The following DOLPP1 variants were observed in gnomAD, a reference collection of about 807,000 sequenced individuals.
The protein encoded by DOLPP1 is dolichyl pyrophosphate phosphatase 1.
DOLPP1 carries 15 observed loss-of-function variants against 34.1 expected under a neutral mutation model. That is an observed-to-expected ratio of 0.44 (90% confidence interval 0.29 to 0.68). The LOEUF (loss-of-function observed/expected upper bound fraction) is 0.68, where lower values mean the gene tolerates loss of function less well. Ranked by LOEUF, DOLPP1 falls within the 30% of genes least tolerant of loss-of-function variation. The pLI is 0.12. For synonymous variants in DOLPP1, 130 were observed against 128.2 expected (o/e 1.01, Z -0.10); for missense variants, 249 against 307.1 (o/e 0.81, Z 1.41).
chr9:129,084,515 A>G (rs1317006657), intron 1 of DOLPP1, 153 bp from the exon 2 acceptor site: 8 of 713,726 alleles, frequency 1.1e-5, no homozygotes, highest in Non-Finnish European at 1.8e-5. Context: ...AGTTGGCACA[A>G]TCGGCCGGTA....
chr9:129,086,390 C>T, intron 6 of DOLPP1, 123 bp downstream of exon 6: 1 of 1,288,068 alleles, frequency 7.8e-7, no homozygotes, highest in Non-Finnish European at 1.1e-6. Flanking sequence ...CCCCAGTGCC[C>T]CAGGGTTTGT....
chr9:129,084,153 C>T (rs765992093), intron 1 of DOLPP1, among the ~76,000 whole-genome samples: 2 of 152,206 alleles, frequency 1.3e-5, no homozygotes, highest in African/African-American at 2.4e-5. Flanking sequence ...GTCGGATTTC[C>T]CTGGAGGCCC....
chr9:129,085,633 G>A lies in DOLPP1; in HGVS notation c.461+17G>A. On this transcript the variant is annotated intron_variant, in intron 5 of 7. Transcript: ENST00000372546. The surrounding 1 kb of genome is among the most constrained non-coding windows in gnomAD (Gnocchi z 7.0). Reference sequence around the variant, plus strand: ...CTACAGCAGGTATGGAGGAGGGAGAGCCCCTGCCTGCACCCTGCCCATGTG... The same window carrying A: ...CTACAGCAGGTATGGAGGAGGGAGAACCCCTGCCTGCACCCTGCCCATGTG... 1 of 1,593,608 alleles carries A rather than the reference G, an allele frequency of 6.3e-7. No homozygotes were observed. The highest frequency in any genetic ancestry group is 8.6e-7 in the Non-Finnish European group (1 of 1,166,150).
rs17508460 is a variant in DOLPP1 at position 129,086,031 on chromosome 9, C to T, written c.462-108C>T. ...TGGAGTCAGTGTCCTGTCTGTGTCTCCACATGTGTGGGCACAGGTCCCTGG... is the reference window on the plus strand; with the variant it reads ...TGGAGTCAGTGTCCTGTCTGTGTCTTCACATGTGTGGGCACAGGTCCCTGG... On this transcript the variant is annotated intron_variant, in intron 5 of 7. Transcript: ENST00000372546. 8.1e-3 allele frequency: 9,083 copies of T among 1,120,234 alleles called. 493 individuals are homozygous for T. In the African/African-American group the frequency reaches 0.12, roughly 15 times the overall value. The allele number at this position is 1,120,234 out of a possible 1,614,324, so 69.4% of individuals were successfully genotyped here.
At chr9:129,088,846 G>T in intron 7 of DOLPP1, 125 bp from the exon 8 acceptor site, 1 of 920,724 alleles carries the variant, frequency 1.1e-6, no homozygotes. Context: ...GCCCAGTTCA[G>T]GTCAATCGCT....
intron 1 of DOLPP1, among the ~76,000 whole-genome samples, chr9:129,083,155 T>C (rs1392116120): frequency 6.6e-6 from 1 of 152,070 alleles, no homozygotes. Context: ...TGAGCTGGGC[T>C]GAGGGGGAAC....
rs1309453092 is a variant in DOLPP1, at chr9:129,081,225, C to T, written c.76+18C>T. On this transcript the variant is annotated intron_variant, in intron 1 of 7. Coordinates refer to ENST00000372546, the MANE Select transcript of DOLPP1 (RefSeq NM_020438.5). The stretch of plus-strand genomic sequence containing the variant: ...TCCTGCAGGTAAAAGGCGGTCCCGG[C>T]TCCAAGGACGCCTTCCCAGGGACGG... The T allele has an allele frequency of 6.2e-7, 1 of 1,606,518 alleles. No individual in the cohort carries two copies. The highest frequency in any genetic ancestry group is 1.1e-5 in the South Asian group (1 of 90,904).
At position 129,085,588 on chromosome 9, in the gene DOLPP1, G is replaced by T. The variant is rs370550987; in HGVS notation, c.433G>T (p.Ala145Ser). 1 of 1,613,296 alleles carries T rather than the reference G, an allele frequency of 6.2e-7. No individual in the cohort carries two copies. ...WRHVLSLGLL[A>S]VAFLVSYSRV... ...GCACGTGCTCTCCCTGGGACTCCTC[G>T]CTGTGGCCTTCCTAGTCTCCTACAG... is the stretch of plus-strand genomic sequence containing the variant. The change falls in exon 5 of 8, where the codon GCT becomes TCT. Residue 145 changes from alanine to serine, a missense_variant. Physicochemically the swap from Ala to Ser is moderately conservative, Grantham distance 99 (BLOSUM62 1). Transcript: ENST00000372546. The surrounding 1 kb of genome is among the most constrained non-coding windows in gnomAD (Gnocchi z 7.0).
In DOLPP1 at chr9:129,085,689, C is replaced by T; in HGVS notation, c.461+73C>T. On this transcript the variant is annotated intron_variant, in intron 5 of 7. Transcript: ENST00000372546. The surrounding 1 kb of genome is among the most constrained non-coding windows in gnomAD (Gnocchi z 7.0). ...CTGCTGGTTCCTGGTCCCTGTCGGA[C>T]CCCACCATGGACCCTAGTCCCAGAA... 1 of 1,237,534 alleles carries T rather than the reference C, an allele frequency of 8.1e-7. No individual in the cohort carries two copies. The highest frequency in any genetic ancestry group is 1.1e-6 in the Non-Finnish European group (1 of 874,778). 76.7% of individuals were successfully genotyped at this position (1,237,534 alleles called of 1,614,324 possible). A position where few individuals can be genotyped will look rare whatever the true frequency, so the allele number is the denominator to read the frequency against.
rs1305385722 is a variant in DOLPP1, at chr9:129,089,169, A to G, written c.*162A>G. On this transcript the variant is annotated 3_prime_UTR_variant, in exon 8 of 8. Transcript: ENST00000372546. The surrounding 1 kb of genome is among the most constrained non-coding windows in gnomAD (Gnocchi z 4.9). The stretch of plus-strand genomic sequence containing the variant: ...TTAATTTTAATGAACAAGGTGGACC[A>G]AAGGGCTGAACCAGCCCCTCAACCA... The G allele has an allele frequency of 1.5e-6, 1 of 669,390 alleles. No homozygotes were observed. Among genetic ancestry groups the G allele is most frequent in the East Asian group, 2.9e-5 (1 of 33,902 alleles). The allele number at this position is 669,390 out of a possible 1,614,324, so 41.5% of individuals were successfully genotyped here.
chr9:129,081,648 C>T (rs10760586), intron 1 of DOLPP1, among the ~76,000 whole-genome samples: 4 of 152,174 alleles, frequency 2.6e-5, no homozygotes, highest in African/African-American at 9.6e-5. Flanking sequence ...AAGAGCTCCC[C>T]GTTGCTGGGA....
chr9:129,086,076 T>G, intron 5 of DOLPP1, 63 bp from the exon 6 acceptor site: 1 of 1,545,004 alleles, frequency 6.5e-7, no homozygotes, highest in Non-Finnish European at 8.8e-7. Flanking sequence ...ACATGGGCAG[T>G]GGGGATTGTG....
chr9:129,086,570 C>G (rs749314621), intron 6 of DOLPP1, 139 bp from the exon 7 acceptor site: 39 of 915,510 alleles, frequency 4.3e-5, no homozygotes, highest in Non-Finnish European at 6.6e-5. Flanking sequence ...CTCAGTGGCT[C>G]TGGGGTCTCA....
chr9:129,089,193 C>T lies in DOLPP1; in HGVS notation c.*186C>T, dbSNP rs1203978473. 5.4e-6 allele frequency: 3 copies of T among 554,454 alleles called. No homozygotes were observed. Among genetic ancestry groups the T allele is most frequent in the Non-Finnish European group, 9.4e-6 (3 of 319,724 alleles). 34.3% of individuals were successfully genotyped at this position (554,454 alleles called of 1,614,324 possible). On this transcript the variant is annotated 3_prime_UTR_variant, in exon 8 of 8. Coordinates refer to ENST00000372546, the MANE Select transcript of DOLPP1 (RefSeq NM_020438.5). This position sits in a 1 kb window ranked among gnomAD's most constrained non-coding sequence, Gnocchi z 4.9. ...CAAAGGGCTGAACCAGCCCCTCAACCAGGACCCTGGGGGGCCTGCTGCCTG... is the reference window on the plus strand; with the variant it reads ...CAAAGGGCTGAACCAGCCCCTCAACTAGGACCCTGGGGGGCCTGCTGCCTG...
chr9:129,089,089 A>AAGCAG lies in DOLPP1; in HGVS notation c.*85_*89dup. 1 of 1,469,626 alleles carries AAGCAG rather than the reference A, an allele frequency of 6.8e-7. No individual in the cohort carries two copies. Among genetic ancestry groups the AAGCAG allele is most frequent in the Non-Finnish European group, 9.5e-7 (1 of 1,052,156 alleles). The allele number at this position is 1,469,626 out of a possible 1,614,324, so 91.0% of individuals were successfully genotyped here. On this transcript the variant is annotated 3_prime_UTR_variant, in exon 8 of 8. Coordinates refer to ENST00000372546, the MANE Select transcript of DOLPP1 (RefSeq NM_020438.5). This position sits in a 1 kb window ranked among gnomAD's most constrained non-coding sequence, Gnocchi z 4.9. Reference sequence around the variant, plus strand: ...ATGGACAGGATGACAGACAGGGACGAAGCAGAGACCTCTACAGACCCAAGT... The same window carrying AAGCAG: ...ATGGACAGGATGACAGACAGGGACGAAGCAGAGCAGAGACCTCTACAGACCCAAGT...
At chr9:129,082,101 C>T (rs1287804992) in intron 1 of DOLPP1, among the ~76,000 whole-genome samples, 2 of 152,234 alleles carry the variant, frequency 1.3e-5, no homozygotes, top group African/African-American at 4.8e-5. Flanking sequence ...GTTATCCCAC[C>T]TTGCAAGACC....
Position 129,081,207 on chromosome 9 carries a change from G to C in DOLPP1, c.76G>C (p.Gly26Arg). ...VTLTHVEYPA[G>R]DLSGHLLAYL... is the part of the protein sequence containing the mutation. ...CCTCACCCACGTCGAATATCCTGCA[G>C]GTAAAAGGCGGTCCCGGCTCCAAGG... is the stretch of plus-strand genomic sequence containing the variant. The change falls in exon 1 of 8, where the codon GGT (glycine) becomes CGT (arginine). Residue 26 changes from glycine (G) to arginine (R), a missense_variant and splice_region_variant. Coordinates refer to ENST00000372546, the MANE Select transcript of DOLPP1 (RefSeq NM_020438.5). 1 of 1,608,982 alleles carries C rather than the reference G, an allele frequency of 6.2e-7. No homozygotes were observed. Among genetic ancestry groups the C allele is most frequent in the Non-Finnish European group, 8.5e-7 (1 of 1,179,368 alleles).
chr9:129,083,843 C>T (rs907952427), intron 1 of DOLPP1, among the ~76,000 whole-genome samples: 6 of 152,162 alleles, frequency 3.9e-5, no homozygotes, highest in South Asian at 4.1e-4. Flanking sequence ...AGGAGCTGAA[C>T]CATGCTCTCA....
chr9:129,084,134 C>T (rs1463280467), intron 1 of DOLPP1, among the ~76,000 whole-genome samples: 2 of 152,234 alleles, frequency 1.3e-5, no homozygotes, highest in African/African-American at 4.8e-5. Context: ...TGTGTGGTGT[C>T]CAGAGAACGT....
Sources: allele counts gnomAD v4.1 joint callset (sites outside exome capture counted in the v4.1 genomes callset), GRCh38; gene constraint gnomAD v4.1.1; non-coding constraint Gnocchi (gnomAD v3.1); transcripts MANE v1.5; gene names NCBI Gene and HGNC (gene_info 2026-07-23, HGNC 2026-07-21).